Variants in RSPRY1 observed in about 807,000 individuals in gnomAD.
RSPRY1 encodes the protein ring finger and SPRY domain containing 1, also known as RING finger and SPRY domain-containing protein 1.
A neutral mutation model predicts 73.1 loss-of-function variants in RSPRY1; 23 were observed. The observed-to-expected ratio is 0.31, with a 90% CI of 0.23 to 0.45. The LOEUF (loss-of-function observed/expected upper bound fraction) is 0.45, where lower values mean the gene tolerates loss of function less well. Ranked by LOEUF, RSPRY1 falls within the 20% of genes least tolerant of loss-of-function variation. The pLI is 1.00. For missense variants in RSPRY1, 448 were observed against 698.7 expected, an observed-to-expected ratio of 0.64 and a Z score of 4.05; for synonymous variants, 226 against 251.4, an observed-to-expected ratio of 0.90 and a Z score of 0.95.
chr16:57,216,815 C>A (rs2074949107), intron 7 of RSPRY1, 89 bp from the exon 8 acceptor site: 1 of 1,233,182 alleles, frequency 8.1e-7, no homozygotes, highest in Non-Finnish European at 1.2e-6. Context: ...TCTTTAATTG[C>A]CTCTTCCCCC....
In RSPRY1 at chr16:57,220,855, A is replaced by G. The variant is rs1473613659; in HGVS notation, c.1017+8A>G. 6.4e-7 allele frequency: 1 copy of G among 1,572,066 alleles called. No homozygotes were observed. Among genetic ancestry groups the G allele is most frequent in the African/African-American group, 1.3e-5 (1 of 74,266 alleles). ...TCACCTCATGGCTTAGAGGTAGGTA[A>G]TGCTTCTACAGTTGGACCCTTTGGG... On this transcript the variant is annotated splice_region_variant and intron_variant, in intron 9 of 14. Transcript: ENST00000394420.
intron 1 of RSPRY1, among the ~76,000 whole-genome samples, chr16:57,191,060 G>C (rs1472509205): frequency 6.6e-6 from 1 of 152,110 alleles, no homozygotes; most frequent in Non-Finnish European, 1.5e-5. Context: ...ATAGTTTCCA[G>C]GCGTAATTTC....
At chr16:57,199,018 G>T (rs1421800763) in intron 1 of RSPRY1, among the ~76,000 whole-genome samples, 1 of 152,220 alleles carries the variant, frequency 6.6e-6, no homozygotes, top group Non-Finnish European at 1.5e-5. Context: ...TCCCCAAAGT[G>T]TTAGTTGGGT....
chr16:57,217,950 C>A (rs968384511), intron 8 of RSPRY1, among the ~76,000 whole-genome samples: 1 of 152,130 alleles, frequency 6.6e-6, no homozygotes, highest in South Asian at 2.1e-4. Flanking sequence ...AAATTATATT[C>A]TAGGGAATGG....
intron 14 of RSPRY1, among the ~76,000 whole-genome samples, chr16:57,238,156 CT>C (rs1227694334): frequency 3.3e-5 from 5 of 152,112 alleles, no homozygotes; most frequent in Non-Finnish European, 7.4e-5. Flanking sequence ...ATGAAGAAAA[CT>C]TTTAAACTAC....
rs745595531 is a variant in RSPRY1 at position 57,209,213 on chromosome 16, A to T, written c.516+26A>T. On this transcript the variant is annotated intron_variant, in intron 4 of 14. Coordinates refer to ENST00000394420, the MANE Select transcript of RSPRY1 (RefSeq NM_133368.3). ...GTAAGTTAATACTTATCTTTTATGA[A>T]ACTATCATTTGTGCTTAAGCACAAG... The T allele has an allele frequency of 3.5e-6, 5 of 1,420,768 alleles. No individual in the cohort carries two copies. The South Asian group carries it at 5.9e-5, about 17-fold the overall frequency. 88.0% of individuals were successfully genotyped at this position (1,420,768 alleles called of 1,614,324 possible).
chr16:57,195,542 A>T (rs577565339), intron 1 of RSPRY1, among the ~76,000 whole-genome samples: 15 of 152,334 alleles, frequency 9.8e-5, no homozygotes, highest in African/African-American at 3.6e-4. Flanking sequence ...GTATAATCAT[A>T]TTAAAAGTAT....
chr16:57,186,268 G>A (rs2074167539), upstream of RSPRY1: 2 of 727,494 alleles, frequency 2.7e-6, no homozygotes, highest in South Asian at 1.2e-4. Flanking sequence ...GCTTGCCACC[G>A]AGGAAGGGGC....
chr16:57,230,873 G>GAA, intron 12 of RSPRY1, 60 bp downstream of exon 12: 1 of 954,348 alleles, frequency 1.0e-6, no homozygotes. Flanking sequence ...TTTTCTCTAG[G>GAA]AAAAAAAAAG....
At chr16:57,214,050 A>G in intron 6 of RSPRY1, 104 bp downstream of exon 6, 1 of 757,154 alleles carries the variant, frequency 1.3e-6, no homozygotes, top group South Asian at 1.5e-5. Flanking sequence ...GGCACAGAGA[A>G]TGGAATCAAT....
In RSPRY1 at chr16:57,229,690, C is replaced by CTTT. The variant is rs1162737560; in HGVS notation, c.1274-990_1274-988dup. Among the ~76,000 whole-genome samples, 74 of 42,140 alleles carry CTTT rather than the reference C, an allele frequency of 1.8e-3. 18 individuals carry two copies. The East Asian group carries it at 0.02, about 11-fold the overall frequency. 27.6% of individuals were successfully genotyped at this position (42,140 alleles called of 152,430 possible). ...TTTATCTGATAAGTGAAGATAAATG[C>CTTT]TTTTTTTTTTTTTTTTTTTTTTTTT... On this transcript the variant is annotated intron_variant, in intron 11 of 14. Transcript: ENST00000394420.
At chr16:57,199,304 C>G (rs1277087459) in intron 1 of RSPRY1, among the ~76,000 whole-genome samples, 1 of 152,088 alleles carries the variant, frequency 6.6e-6, no homozygotes, top group Non-Finnish European at 1.5e-5. Flanking sequence ...ACCAGCCTGA[C>G]CAACATGGTG....
rs781359677 is a variant in RSPRY1, at chr16:57,220,718, T to C, written c.902-14T>C. The C allele has an allele frequency of 1.3e-6, 2 of 1,553,946 alleles. No individual in the cohort carries two copies. The highest frequency in any genetic ancestry group is 1.8e-6 in the Non-Finnish European group (2 of 1,125,526). On this transcript the variant is annotated splice_polypyrimidine_tract_variant and intron_variant, in intron 8 of 14. Transcript: ENST00000394420. ...CAGCCTGCCTTAGAAACATGAACAC[T>C]CTTTCTTTTGCAGTTTTAAAAGAAG... is the stretch of plus-strand genomic sequence containing the variant.
intron 2 of RSPRY1, 62 bp downstream of exon 2, chr16:57,205,070 C>G: frequency 7.9e-7 from 1 of 1,263,164 alleles, no homozygotes; most frequent in Middle Eastern, 2.1e-4. Context: ...GGAACCATGA[C>G]TTTAGGACTC....
intron 1 of RSPRY1, among the ~76,000 whole-genome samples, chr16:57,192,316 C>T (rs1413393108): frequency 1.3e-5 from 2 of 152,094 alleles, no homozygotes; most frequent in African/African-American, 4.8e-5. Flanking sequence ...ACATGATCTC[C>T]TATTATTTGG....
At chr16:57,202,946 A>G (rs2074653596) in intron 1 of RSPRY1, among the ~76,000 whole-genome samples, 1 of 140,542 alleles carries the variant, frequency 7.1e-6, no homozygotes, top group Middle Eastern at 3.4e-3. Flanking sequence ...TTTTTCTTCT[A>G]TGTTTTCCCT....
At chr16:57,191,834 A>G (rs2074357143) in intron 1 of RSPRY1, among the ~76,000 whole-genome samples, 1 of 152,172 alleles carries the variant, frequency 6.6e-6, no homozygotes, top group African/African-American at 2.4e-5. Flanking sequence ...AGTGTTACCA[A>G]AGTTCCTTTT....
At chr16:57,234,549 A>G (rs2075273602) in intron 13 of RSPRY1, among the ~76,000 whole-genome samples, 1 of 152,230 alleles carries the variant, frequency 6.6e-6, no homozygotes, top group Admixed American at 6.5e-5. Flanking sequence ...CCGTAAGTGA[A>G]CTGAATACAT....
At position 57,239,008 on chromosome 16, in the gene RSPRY1, A is replaced by C. The variant is rs1329647086; in HGVS notation, c.*33A>C. 1.7e-6 allele frequency: 2 copies of C among 1,174,552 alleles called. No homozygotes were observed. The highest frequency in any genetic ancestry group is 2.5e-6 in the Non-Finnish European group (2 of 802,530). The allele number at this position is 1,174,552 out of a possible 1,614,324, so 72.8% of individuals were successfully genotyped here. On this transcript the variant is annotated 3_prime_UTR_variant, in exon 15 of 15. Coordinates refer to ENST00000394420, the MANE Select transcript of RSPRY1 (RefSeq NM_133368.3). ...GAAGAGGCATCGTGGACTTTTTTCT[A>C]CTCAATTCCAGCCAATGTTGAAAAG...
Sources: allele counts gnomAD v4.1 joint callset (sites outside exome capture counted in the v4.1 genomes callset), GRCh38; gene constraint gnomAD v4.1.1; transcripts MANE v1.5; gene names NCBI Gene and HGNC (gene_info 2026-07-23, HGNC 2026-07-21).